Variants in ZBTB7C observed in about 807,000 individuals in gnomAD.
ZBTB7C encodes zinc finger and BTB domain containing 7C, also known as zinc finger and BTB domain-containing protein 7C.
A neutral mutation model predicts 25.7 loss-of-function variants in ZBTB7C; 8 were observed. That is an observed-to-expected ratio of 0.31 (90% confidence interval 0.18 to 0.56). The LOEUF is 0.56. Ranked by LOEUF, ZBTB7C falls within the 20% of genes least tolerant of loss-of-function variation. The probability of loss-of-function intolerance (pLI) is 0.91; values close to 1 mark genes in which losing one functional copy is unlikely to be tolerated. For synonymous variants in ZBTB7C, 394 were observed against 369.0 expected (o/e 1.07, Z -0.78); for missense variants, 824 against 855.2 (o/e 0.96, Z 0.46).
At chr18:48,045,682 C>G (rs1193935865) in intron 3 of ZBTB7C, among the ~76,000 whole-genome samples, 1 of 152,208 alleles carries the variant, frequency 6.6e-6, no homozygotes, top group African/African-American at 2.4e-5. Context: ...TTCCCCATCC[C>G]TCAATTCAGA....
chr18:48,119,911 C>G (rs564584304), intron 3 of ZBTB7C, among the ~76,000 whole-genome samples: 25 of 152,286 alleles, frequency 1.6e-4, no homozygotes, highest in Middle Eastern at 3.4e-3. Context: ...CACTTTGAGT[C>G]TGGAGTGTGT....
chr18:48,295,478 G>A lies in ZBTB7C; in HGVS notation c.-79+42696C>T, dbSNP rs1026274120. Among the ~76,000 whole-genome samples, 13 of 152,288 alleles carry A rather than the reference G, an allele frequency of 8.5e-5. 1 individual carries two copies. Among genetic ancestry groups the A allele is most frequent in the Admixed American group, 5.9e-4 (9 of 15,296 alleles). ...AAGGCGGGATCCAGTGGCGTTGGGCGCTAGAAGCCTCTCCCTTCCCCGGCA... is the reference window on the plus strand; with the variant it reads ...AAGGCGGGATCCAGTGGCGTTGGGCACTAGAAGCCTCTCCCTTCCCCGGCA... On this transcript the variant is annotated intron_variant, in intron 2 of 4. Transcript: ENST00000590800.
At chr18:48,076,641 C>T (rs1429794374) in intron 3 of ZBTB7C, among the ~76,000 whole-genome samples, 1 of 152,188 alleles carries the variant, frequency 6.6e-6, no homozygotes, top group African/African-American at 2.4e-5. Context: ...TGCAAGAACC[C>T]CATGGGCAGG....
At chr18:48,051,882 A>G (rs1054506848) in intron 3 of ZBTB7C, among the ~76,000 whole-genome samples, 10 of 151,844 alleles carry the variant, frequency 6.6e-5, no homozygotes, top group African/African-American at 1.9e-4. Flanking sequence ...TGCCCCTTCA[A>G]GCTGTTGTTC....
intron 2 of ZBTB7C, among the ~76,000 whole-genome samples, chr18:48,250,077 C>T (rs936879569): frequency 6.6e-6 from 1 of 152,174 alleles, no homozygotes; most frequent in Non-Finnish European, 1.5e-5. Context: ...ACAGCTGGGA[C>T]TTGACTCAGC....
chr18:48,242,320 A>C (rs1254897223), intron 2 of ZBTB7C, among the ~76,000 whole-genome samples: 2 of 152,146 alleles, frequency 1.3e-5, no homozygotes, highest in African/African-American at 2.4e-5. Flanking sequence ...GACAGAGAAA[A>C]AGGGAATCCT....
chr18:48,168,883 T>C (rs1205284384), intron 3 of ZBTB7C, among the ~76,000 whole-genome samples: 1 of 152,220 alleles, frequency 6.6e-6, no homozygotes, highest in Middle Eastern at 3.2e-3. Flanking sequence ...CCTTTCTCCT[T>C]GACCCTCACC....
At chr18:48,120,819 A>G (rs1490915128) in intron 3 of ZBTB7C, among the ~76,000 whole-genome samples, 1 of 152,224 alleles carries the variant, frequency 6.6e-6, no homozygotes, top group African/African-American at 2.4e-5. Context: ...GGCATCATTC[A>G]CACAATCAGA....
chr18:48,064,944 C>T (rs2037267796), intron 3 of ZBTB7C, among the ~76,000 whole-genome samples: 2 of 152,194 alleles, frequency 1.3e-5, no homozygotes, highest in Non-Finnish European at 2.9e-5. Flanking sequence ...TCAGGGTACT[C>T]CTAAGCTCCC....
intron 1 of ZBTB7C, among the ~76,000 whole-genome samples, chr18:48,403,945 T>TAAAAAAGAAAAGAAA (rs1383801054): frequency 6.6e-6 from 1 of 151,748 alleles, no homozygotes; most frequent in Non-Finnish European, 1.5e-5. Flanking sequence ...GTGAAGCCTC[T>TAAAAAAGAAAAGAAA]AAAAAAGAAA....
At chr18:48,225,811 C>T (rs2043073965) in intron 2 of ZBTB7C, among the ~76,000 whole-genome samples, 1 of 152,064 alleles carries the variant, frequency 6.6e-6, no homozygotes, top group Non-Finnish European at 1.5e-5. Context: ...GGCATGATCT[C>T]AGCTCACTGT....
chr18:48,402,098 G>A (rs1373320003), intron 1 of ZBTB7C, among the ~76,000 whole-genome samples: 5 of 152,024 alleles, frequency 3.3e-5, no homozygotes, highest in Non-Finnish European at 7.4e-5. Context: ...GAGTCCTACT[G>A]TGTGCCGGAC....
intron 1 of ZBTB7C, among the ~76,000 whole-genome samples, chr18:48,343,868 C>A (rs1034941401): frequency 2.4e-4 from 36 of 152,302 alleles, no homozygotes; most frequent in African/African-American, 8.4e-4. Flanking sequence ...TGGCCTATCC[C>A]CTTCCCTCTG....
intron 3 of ZBTB7C, among the ~76,000 whole-genome samples, chr18:48,085,089 G>A (rs1180425862): frequency 6.6e-6 from 1 of 152,110 alleles, no homozygotes; most frequent in Non-Finnish European, 1.5e-5. Context: ...AGTTCATCCA[G>A]ATCAACTCAG....
intron 3 of ZBTB7C, among the ~76,000 whole-genome samples, chr18:48,163,162 C>G (rs943824624): frequency 1.3e-5 from 2 of 152,230 alleles, no homozygotes; most frequent in Non-Finnish European, 2.9e-5. Context: ...GGCCATCTCT[C>G]TCCCATCCTG....
chr18:48,110,415 T>C (rs1386055792), intron 3 of ZBTB7C, among the ~76,000 whole-genome samples: 1 of 152,230 alleles, frequency 6.6e-6, no homozygotes, highest in African/African-American at 2.4e-5. Context: ...TTAAGAGGCA[T>C]GATCTTTAGG....
chr18:48,122,068 G>A (rs113791347), intron 3 of ZBTB7C, among the ~76,000 whole-genome samples: 316 of 152,292 alleles, frequency 2.1e-3, no homozygotes, highest in Non-Finnish European at 3.6e-3. Flanking sequence ...TCCTGCAGCC[G>A]AGCCAGCTGA....
At chr18:48,181,939 C>G (rs2041935633) in intron 3 of ZBTB7C, among the ~76,000 whole-genome samples, 1 of 152,140 alleles carries the variant, frequency 6.6e-6, no homozygotes, top group Non-Finnish European at 1.5e-5. Flanking sequence ...TGATATTTGT[C>G]ATTAATTGAA....
At chr18:48,331,684 G>A (rs1293671997) in intron 2 of ZBTB7C, among the ~76,000 whole-genome samples, 2 of 152,244 alleles carry the variant, frequency 1.3e-5, no homozygotes, top group African/African-American at 4.8e-5. Flanking sequence ...CTTTTTGCAT[G>A]TGACCCTACC....
Sources: allele counts gnomAD v4.1 joint callset (sites outside exome capture counted in the v4.1 genomes callset), GRCh38; gene constraint gnomAD v4.1.1; transcripts MANE v1.5; gene names NCBI Gene and HGNC (gene_info 2026-07-23, HGNC 2026-07-21).